The following NPTX2 variants were observed in gnomAD, a reference collection of about 807,000 sequenced individuals.
NPTX2 encodes neuronal pentraxin-2.
Under a neutral mutation model 38.1 loss-of-function variants are expected in NPTX2, and 23 were observed. The ratio of observed to expected loss-of-function variants is 0.60; its 90% CI spans 0.43 to 0.85. The LOEUF is 0.85. Ranked by LOEUF, NPTX2 falls within the 40% of genes least tolerant of loss-of-function variation. The pLI, the probability that NPTX2 is intolerant of heterozygous loss-of-function variation, is 0.00. For missense variants in NPTX2, 553 were observed against 615.3 expected (o/e 0.90, Z 1.07); for synonymous variants, 291 against 287.3 (o/e 1.01, Z -0.13).
intron 4 of NPTX2, among the ~76,000 whole-genome samples, 154 bp from the exon 5 acceptor site, chr7:98,628,248 T>A (rs1434426963): frequency 6.6e-6 from 1 of 152,158 alleles, no homozygotes; most frequent in Non-Finnish European, 1.5e-5. Context: ...CTCCCAGTTC[T>A]GACATGCCTG....
Position 98,628,682 on chromosome 7 carries a change from C to A in NPTX2, c.*53C>A. 1 of 856,466 alleles carries A rather than the reference C, an allele frequency of 1.2e-6. No individual in the cohort carries two copies. Among genetic ancestry groups the A allele is most frequent in the South Asian group, 1.7e-5 (1 of 58,800 alleles). 53.1% of individuals were successfully genotyped at this position (856,466 alleles called of 1,614,324 possible). ...GGATCAGGCTGTTGCCATGGAAGTT[C>A]AGGGCCATAGACTGCCCCACTTAAA... On this transcript the variant is annotated 3_prime_UTR_variant, in exon 5 of 5. Transcript: ENST00000265634.
At chr7:98,618,577 T>TC (rs1562848965) in intron 1 of NPTX2, among the ~76,000 whole-genome samples, 1 of 21,508 alleles carries the variant, frequency 4.6e-5, no homozygotes, top group African/African-American at 2.5e-4. Flanking sequence ...TCTCCCCCCC[T>TC]CCCCCCCTCC....
In NPTX2 at chr7:98,617,647, G is replaced by C; in HGVS notation, c.186G>C (p.Ala62=). 1 of 1,487,360 alleles carries C rather than the reference G, an allele frequency of 6.7e-7. No individual in the cohort carries two copies. Among genetic ancestry groups the C allele is most frequent in the South Asian group, 1.3e-5 (1 of 79,072 alleles). 92.1% of individuals were successfully genotyped at this position (1,487,360 alleles called of 1,614,324 possible). The change falls in exon 1 of 5, where the codon GCG becomes GCC. Residue 62 remains alanine, a synonymous_variant. Transcript: ENST00000265634. ...GTCCCGAGGAGGAGCTGAGGGCCGC[G>C]GTGCTGCAGCTGCGCGAGACCGTCG... ...AQSPEEELRA[A]VLQLRETVVQ... is the part of the protein sequence containing the mutation.
At chr7:98,627,452 G>A (rs1047590230) in intron 4 of NPTX2, 108 bp downstream of exon 4, 30 of 887,070 alleles carry the variant, frequency 3.4e-5, no homozygotes, top group Middle Eastern at 3.2e-4. Context: ...TGAGCAGCAC[G>A]AGGCCAGGCC....
chr7:98,620,203 G>C (rs921468429), intron 2 of NPTX2: 1 of 326,720 alleles, frequency 3.1e-6, no homozygotes, highest in African/African-American at 2.1e-5. Flanking sequence ...ACAGGAGACA[G>C]AGTGGGAGGG....
chr7:98,626,619 G>A (rs1422968474), intron 3 of NPTX2, among the ~76,000 whole-genome samples: 1 of 152,184 alleles, frequency 6.6e-6, no homozygotes, highest in African/African-American at 2.4e-5. Context: ...GTTCATAGGC[G>A]AGCCTGCATA....
Position 98,628,807 on chromosome 7 carries a change from C to A in NPTX2, c.*178C>A, listed in dbSNP as rs1678599685. 2.1e-6 allele frequency: 1 copy of A among 474,852 alleles called. No individual in the cohort carries two copies. The highest frequency in any genetic ancestry group is 1.9e-5 in the African/African-American group (1 of 52,312). 29.4% of individuals were successfully genotyped at this position (474,852 alleles called of 1,614,324 possible). A position where few individuals can be genotyped will look rare whatever the true frequency, so the allele number is the denominator to read the frequency against. ...CTGTCACTGGCTTGTTTGTTCCCTACCAATATTCTGTTGCTGTTTGAAGTA... is the reference window on the plus strand; with the variant it reads ...CTGTCACTGGCTTGTTTGTTCCCTAACAATATTCTGTTGCTGTTTGAAGTA... On this transcript the variant is annotated 3_prime_UTR_variant, in exon 5 of 5. Transcript: ENST00000265634.
In NPTX2 at chr7:98,629,670, G is replaced by A. The variant is rs1791412175; in HGVS notation, c.*1041G>A. Reference sequence around the variant, plus strand: ...CTACTCACTGTATTGGACGGGAGTAGTAATTTATTTTAAAGATAAAGTGAC... The same window carrying A: ...CTACTCACTGTATTGGACGGGAGTAATAATTTATTTTAAAGATAAAGTGAC... On this transcript the variant is annotated 3_prime_UTR_variant, in exon 5 of 5. Transcript: ENST00000265634. 6.6e-6 allele frequency: 1 copy of A among 152,560 alleles called. No homozygotes were observed. The highest frequency in any genetic ancestry group is 6.5e-5 in the Admixed American group (1 of 15,280). 9.5% of individuals were successfully genotyped at this position (152,560 alleles called of 1,614,324 possible). A position where few individuals can be genotyped will look rare whatever the true frequency, so the allele number is the denominator to read the frequency against.
At position 98,629,587 on chromosome 7, in the gene NPTX2, C is replaced by G. The variant is rs1791410998; in HGVS notation, c.*958C>G. 6.6e-6 allele frequency: 1 copy of G among 152,528 alleles called. No individual in the cohort carries two copies. Among genetic ancestry groups the G allele is most frequent in the Non-Finnish European group, 1.5e-5 (1 of 68,020 alleles). The allele number at this position is 152,528 out of a possible 1,614,324, so 9.4% of individuals were successfully genotyped here. Reference sequence around the variant, plus strand: ...ACTGTCTTCATCAAGTATTTCCCTACAGAACTCCTCAAGAAAACAGAGATC... The same window carrying G: ...ACTGTCTTCATCAAGTATTTCCCTAGAGAACTCCTCAAGAAAACAGAGATC... On this transcript the variant is annotated 3_prime_UTR_variant, in exon 5 of 5. Coordinates refer to ENST00000265634, the MANE Select transcript of NPTX2 (RefSeq NM_002523.3).
chr7:98,620,946 C>T (rs1450292518), intron 2 of NPTX2, among the ~76,000 whole-genome samples: 2 of 152,144 alleles, frequency 1.3e-5, no homozygotes, highest in Non-Finnish European at 2.9e-5. Context: ...GCCAGAGCTT[C>T]AGTCATGCCA....
At chr7:98,623,772 C>G (rs1390580357) in intron 2 of NPTX2, among the ~76,000 whole-genome samples, 1 of 152,112 alleles carries the variant, frequency 6.6e-6, no homozygotes, top group Non-Finnish European at 1.5e-5. Flanking sequence ...TGCCTGGGTC[C>G]CTGTAAGACT....
chr7:98,623,861 G>A (rs780973481), intron 2 of NPTX2, among the ~76,000 whole-genome samples: 2 of 152,132 alleles, frequency 1.3e-5, no homozygotes, highest in Non-Finnish European at 2.9e-5. Flanking sequence ...TATAAGATGT[G>A]GCTAAGGACG....
intron 2 of NPTX2, among the ~76,000 whole-genome samples, chr7:98,622,000 G>A (rs1373395342): frequency 6.6e-6 from 1 of 152,204 alleles, no homozygotes; most frequent in African/African-American, 2.4e-5. Flanking sequence ...GGATGCCCCT[G>A]CCACCCGGGG....
intron 3 of NPTX2, 70 bp from the exon 4 acceptor site, chr7:98,627,095 T>G: frequency 9.1e-7 from 1 of 1,097,940 alleles, no homozygotes. Flanking sequence ...GTGTCCTTCC[T>G]GCTTCCTGCC....
intron 4 of NPTX2, among the ~76,000 whole-genome samples, chr7:98,627,846 G>T (rs10224909): frequency 6.6e-6 from 1 of 152,116 alleles, no homozygotes; most frequent in East Asian, 1.9e-4. Context: ...CCAGCAAGGG[G>T]CACTTAGGTA....
In NPTX2 at chr7:98,628,406, C is replaced by G; in HGVS notation, c.1073C>G (p.Thr358Ser). The G allele has an allele frequency of 6.4e-7, 1 of 1,563,686 alleles. No homozygotes were observed. Among genetic ancestry groups the G allele is most frequent in the Non-Finnish European group, 8.8e-7 (1 of 1,137,590 alleles). ...TCTCTTGTTCCCATTCCCCAGGACA[C>G]CGTGGGGGGTAGGTTTGATGCCACT... ...GVLILGQEQD[T>S]VGGRFDATQA... The change falls in exon 5 of 5, where the codon ACC becomes AGC. Residue 358 changes from threonine to serine, a missense_variant. By Grantham distance (58) the Thr-to-Ser change is moderately conservative. Coordinates refer to ENST00000265634, the MANE Select transcript of NPTX2 (RefSeq NM_002523.3).
chr7:98,619,166 T>C (rs1791230834), intron 1 of NPTX2, among the ~76,000 whole-genome samples: 1 of 152,214 alleles, frequency 6.6e-6, no homozygotes, highest in Admixed American at 6.5e-5. Context: ...TAGCAACGTT[T>C]TAGATCTGTC....
Position 98,617,523 on chromosome 7 carries a change from C to A in NPTX2, c.62C>A (p.Pro21Gln). 7.1e-7 allele frequency: 1 copy of A among 1,404,942 alleles called. No individual in the cohort carries two copies. Among genetic ancestry groups the A allele is most frequent in the Non-Finnish European group, 9.2e-7 (1 of 1,082,248 alleles). The allele number at this position is 1,404,942 out of a possible 1,614,324, so 87.0% of individuals were successfully genotyped here. A position where few individuals can be genotyped will look rare whatever the true frequency, so the allele number is the denominator to read the frequency against. ...LAVAAGAQDS[P>Q]APGSRFVCTA... is the part of the protein sequence containing the mutation. ...GTGGCCGCTGGGGCCCAGGACAGCC[C>A]GGCGCCCGGTAGCCGCTTCGTGTGC... The change falls in exon 1 of 5, where the codon CCG becomes CAG. Residue 21 changes from proline (P) to glutamine (Q), a missense_variant. By Grantham distance (76) the Pro-to-Gln change is moderately conservative. Coordinates refer to ENST00000265634, the MANE Select transcript of NPTX2 (RefSeq NM_002523.3).
At chr7:98,626,403 A>T (rs1584143654) in intron 3 of NPTX2, among the ~76,000 whole-genome samples, 1 of 152,156 alleles carries the variant, frequency 6.6e-6, no homozygotes, top group East Asian at 1.9e-4. Flanking sequence ...TCGAGGTTTA[A>T]AAAACGCTGT....
Sources: allele counts gnomAD v4.1 joint callset (sites outside exome capture counted in the v4.1 genomes callset), GRCh38; gene constraint gnomAD v4.1.1; transcripts MANE v1.5; gene names NCBI Gene and HGNC (gene_info 2026-07-23, HGNC 2026-07-21).